Variants in MACF1 observed in about 807,000 individuals in gnomAD.
MACF1 encodes microtubule-actin cross-linking factor 1.
A neutral mutation model predicts 854.8 loss-of-function variants in MACF1; 193 were observed. That is an observed-to-expected ratio of 0.23 (90% confidence interval 0.20 to 0.25). MACF1 has a LOEUF of 0.25. MACF1 is among the 10% of genes least tolerant of loss of function. The pLI is 1.00. For missense variants in MACF1, 7,722 were observed against 8,929.1 expected, an observed-to-expected ratio of 0.86 and a Z score of 5.45; for synonymous variants, 3,185 against 3,226.7, an observed-to-expected ratio of 0.99 and a Z score of 0.44.
Position 39,471,955 on chromosome 1 carries a change from A to T in MACF1, c.21958+2340A>T, listed in dbSNP as rs891788997. 3.3e-5 allele frequency among the ~76,000 whole-genome samples: 5 copies of T among 152,288 alleles called. No individual in the cohort carries two copies. The East Asian group carries it at 9.6e-4, about 29-fold the overall frequency. ...GAACTCTCTTCATCTTGTAAAACTG[A>T]AACTCTATACCCATTAAACAATAGC... On this transcript the variant is annotated intron_variant, in intron 97 of 100. Transcript: ENST00000564288.
rs753452444 is a variant in MACF1 at position 39,333,321 on chromosome 1, G to A, written c.6733G>A (p.Glu2245Lys). ...TAAGGATGACCATAAAGAAAGTCAA[G>A]AAGCACAGAACATCGCAGGTGGTAG... is the stretch of plus-strand genomic sequence containing the variant. The part of the protein sequence containing the change: ...LAKDDHKESQ[E>K]AQNIAGGSMM... The change falls in exon 37 of 101, where the codon GAA (glutamate) becomes AAA (lysine). Residue 2245 changes from glutamate (E) to lysine (K), a missense_variant. Transcript: ENST00000564288. The A allele has an allele frequency of 1.4e-5, 22 of 1,613,984 alleles. No individual in the cohort carries two copies. The Admixed American group carries it at 3.0e-4, about 22-fold the overall frequency.
chr1:39,131,144 G>A (rs113341301), intron 2 of MACF1, among the ~76,000 whole-genome samples: 19 of 118,178 alleles, frequency 1.6e-4, no homozygotes, highest in East Asian at 1.5e-3. Flanking sequence ...GAGCCACTGC[G>A]CCCGGCCTTT....
At chr1:39,458,651 A>G (rs1216873656) in intron 90 of MACF1, 161 bp downstream of exon 90, 3 of 856,714 alleles carry the variant, frequency 3.5e-6, no homozygotes, top group East Asian at 2.7e-5. Context: ...TTACATTGAC[A>G]GACAGTAGCT....
At position 39,370,074 on chromosome 1, in the gene MACF1, G is replaced by C; in HGVS notation, c.12983G>C (p.Arg4328Pro). 6.2e-7 allele frequency: 1 copy of C among 1,613,878 alleles called. No individual in the cohort carries two copies. The highest frequency in any genetic ancestry group is 8.5e-7 in the Non-Finnish European group (1 of 1,179,910). ...SSCQEQLDEF[R>P]KLVRTFQKWL... ...TGCCAGGAACAGTTGGATGAATTCCGGAAGCTGGTCAGGACCTTCCAGAAA... is the reference window on the plus strand; with the variant it reads ...TGCCAGGAACAGTTGGATGAATTCCCGAAGCTGGTCAGGACCTTCCAGAAA... Residue 4328 changes from arginine to proline, a missense_variant, in exon 51 of 101, where the codon CGG becomes CCG. This residue lies in a region of MACF1 where 2,807 missense variants were observed against 3,235.8 expected (regional missense o/e 0.87). Transcript: ENST00000564288.
Position 39,336,011 on chromosome 1 carries a change from A to G in MACF1, c.9423A>G (p.Arg3141=). Residue 3141 remains arginine (R), a synonymous_variant, in exon 37 of 101, where the codon AGA becomes AGG. Coordinates refer to ENST00000564288, the MANE Select transcript of MACF1 (RefSeq NM_001394062.1). ...ACAAGTCTTTCCAAGGAACCACCAG[A>G]CAGGAGACCAACTATCAAGATTCCT... ...KTDKSFQGTT[R]QETNYQDSWV... 1 of 1,614,196 alleles carries G rather than the reference A, an allele frequency of 6.2e-7. No homozygotes were observed.
intron 2 of MACF1, among the ~76,000 whole-genome samples, chr1:39,173,552 T>C (rs1039733520): frequency 4.0e-4 from 61 of 152,312 alleles, no homozygotes; most frequent in African/African-American, 1.4e-3. Flanking sequence ...TCTGTGTCTG[T>C]ATCTTCAGAT....
intron 58 of MACF1, among the ~76,000 whole-genome samples, chr1:39,395,454 C>T (rs75731568): frequency 0.055 from 8,448 of 152,248 alleles, 302 homozygotes; most frequent in African/African-American, 0.098. Context: ...TTTATTTTTG[C>T]TGGCCTTAAT....
intron 2 of MACF1, among the ~76,000 whole-genome samples, chr1:39,131,744 A>C (rs966300538): frequency 3.9e-5 from 6 of 152,228 alleles, no homozygotes; most frequent in African/African-American, 1.4e-4. Context: ...TGGATAAAGA[A>C]AGGAATTTTT....
At chr1:39,130,817 C>CT (rs897698752) in intron 2 of MACF1, among the ~76,000 whole-genome samples, 5 of 151,136 alleles carry the variant, frequency 3.3e-5, no homozygotes, top group African/African-American at 4.9e-5. Context: ...TCTAAGCCAA[C>CT]TTTTTTTTAC....
chr1:39,287,122 G>A (rs976748022), intron 14 of MACF1, among the ~76,000 whole-genome samples, 164 bp from the exon 15 acceptor site: 3 of 149,858 alleles, frequency 2.0e-5, no homozygotes, highest in Non-Finnish European at 3.0e-5. Flanking sequence ...CACCACACCC[G>A]GCTAATTTTT....
intron 17 of MACF1, 146 bp from the exon 18 acceptor site, chr1:39,293,312 T>G (rs573534682): frequency 2.6e-6 from 2 of 758,284 alleles, no homozygotes; most frequent in East Asian, 2.5e-5. Flanking sequence ...ATATCAAACT[T>G]GTACAAAACT....
chr1:39,349,086 T>C (rs1647122263), intron 41 of MACF1, among the ~76,000 whole-genome samples: 4 of 152,216 alleles, frequency 2.6e-5, no homozygotes, highest in Admixed American at 2.0e-4. Context: ...GCATATTATG[T>C]AGCAAATCTC....
chr1:39,332,896 T>G lies in MACF1; in HGVS notation c.6308T>G (p.Leu2103Ter). The change falls in exon 37 of 101, where the codon TTA becomes TGA. Residue 2103 changes from leucine (L) to a stop codon, truncating the protein, a stop_gained. Coordinates refer to ENST00000564288, the MANE Select transcript of MACF1 (RefSeq NM_001394062.1). LOFTEE classifies it high-confidence loss of function. Reference protein sequence around the residue: ...DALKVINKVKLEVQRQLIGTQ... With the variant: ...DALKVINKVK ...TTGAAGGTAATAAATAAAGTCAAATTAGAGGTACAAAGGCAGTTGATAGGT... is the reference window on the plus strand; with the variant it reads ...TTGAAGGTAATAAATAAAGTCAAATGAGAGGTACAAAGGCAGTTGATAGGT... 3 of 1,613,992 alleles carry G rather than the reference T, an allele frequency of 1.9e-6. No individual in the cohort carries two copies. The highest frequency in any genetic ancestry group is 2.5e-6 in the Non-Finnish European group (3 of 1,179,986).
chr1:39,189,819 AC>A (rs1431898767), intron 2 of MACF1, among the ~76,000 whole-genome samples: 13 of 152,186 alleles, frequency 8.5e-5, no homozygotes, highest in African/African-American at 3.1e-4. Context: ...CTATCTGTAT[AC>A]ATATTTCTCC....
chr1:39,171,556 A>C (rs1366817812), intron 2 of MACF1, among the ~76,000 whole-genome samples: 3 of 152,146 alleles, frequency 2.0e-5, no homozygotes, highest in Non-Finnish European at 4.4e-5. Context: ...TCTTTCACTT[A>C]GCATATGCAC....
At position 39,434,444 on chromosome 1, in the gene MACF1, G is replaced by A; in HGVS notation, c.17596G>A (p.Glu5866Lys). Residue 5866 changes from glutamate to lysine, a missense_variant, in exon 69 of 101, where the codon GAA becomes AAA. By Grantham distance (56) the Glu-to-Lys change is moderately conservative (BLOSUM62 1). Transcript: ENST00000564288. ...EKTESLIQQY[E>K]AISLLNSERY... ...GACAGAGTCTCTAATACAGCAATAT[G>A]AAGCCATTAGCCTACTCAATTCAGA... The A allele has an allele frequency of 6.8e-7, 1 of 1,467,066 alleles. No homozygotes were observed. Among genetic ancestry groups the A allele is most frequent in the Non-Finnish European group, 9.2e-7 (1 of 1,083,880 alleles). The allele number at this position is 1,467,066 out of a possible 1,614,324, so 90.9% of individuals were successfully genotyped here. A position where few individuals can be genotyped will look rare whatever the true frequency, so the allele number is the denominator to read the frequency against.
chr1:39,273,904 A>G (rs1421026036), intron 6 of MACF1, among the ~76,000 whole-genome samples: 1 of 152,190 alleles, frequency 6.6e-6, no homozygotes, highest in African/African-American at 2.4e-5. Context: ...TTCTTTTTAA[A>G]AAAATTTTAC....
At chr1:39,166,482 A>G (rs949290194) in intron 2 of MACF1, among the ~76,000 whole-genome samples, 1 of 150,232 alleles carries the variant, frequency 6.7e-6, no homozygotes, top group Non-Finnish European at 1.5e-5. Flanking sequence ...TCGAGATGGA[A>G]TTTCGCTCTT....
intron 71 of MACF1, among the ~76,000 whole-genome samples, chr1:39,438,888 G>A (rs1416350914): frequency 6.6e-6 from 1 of 152,022 alleles, no homozygotes; most frequent in Admixed American, 6.6e-5. Flanking sequence ...TTCGAGACCA[G>A]CCTGGCCAAC....
Sources: gnomAD v4.1 joint callset for allele counts (sites outside exome capture counted in the v4.1 genomes callset) on GRCh38, gnomAD v4.1.1 for gene constraint, gnomAD v4.1.1 regional missense constraint, MANE v1.5 for transcripts, NCBI Gene and HGNC (gene_info 2026-07-23, HGNC 2026-07-21) for gene names.